Variants in GFRAL observed in about 807,000 individuals in gnomAD.
GFRAL encodes the protein GDNF family receptor alpha like.
GFRAL carries 36 observed loss-of-function variants against 45.4 expected under a neutral mutation model. The ratio of observed to expected loss-of-function variants is 0.79; its 90% confidence interval spans 0.61 to 1.05. GFRAL has a LOEUF of 1.05. Among genes scored for constraint, GFRAL ranks in the 50% least tolerant of loss-of-function variants. The pLI, the probability that GFRAL is intolerant of heterozygous loss-of-function variation, is 0.00. For missense variants in GFRAL, 507 were observed against 467.5 expected, an observed-to-expected ratio of 1.08 and a Z score of -0.78; for synonymous variants, 166 against 154.1, an observed-to-expected ratio of 1.08 and a Z score of -0.57.
intron 6 of GFRAL, among the ~76,000 whole-genome samples, chr6:55,397,363 A>C (rs1015259137): frequency 1.4e-5 from 2 of 147,568 alleles, no homozygotes; most frequent in African/African-American, 5.1e-5. Flanking sequence ...CTAAAAATAC[A>C]AAAAATTAGC....
intron 6 of GFRAL, among the ~76,000 whole-genome samples, chr6:55,396,823 C>G (rs1289803688): frequency 6.7e-6 from 1 of 150,168 alleles, no homozygotes; most frequent in African/African-American, 2.5e-5. Context: ...AGTTCTACCT[C>G]TATTACTTTT....
intron 6 of GFRAL, among the ~76,000 whole-genome samples, chr6:55,360,776 T>C (rs1768264174): frequency 6.6e-6 from 1 of 151,904 alleles, no homozygotes; most frequent in Admixed American, 6.6e-5. Flanking sequence ...AAATACCAAA[T>C]AACCAATTTG....
intron 5 of GFRAL, among the ~76,000 whole-genome samples, chr6:55,354,492 T>A (rs933659494): frequency 3.3e-5 from 5 of 152,074 alleles, no homozygotes; most frequent in African/African-American, 1.2e-4. Flanking sequence ...TTAGTTCAAG[T>A]GTAAGGACTG....
intron 6 of GFRAL, among the ~76,000 whole-genome samples, chr6:55,367,265 C>T (rs1320712967): frequency 7.6e-6 from 1 of 131,946 alleles, no homozygotes. Context: ...GATTGCAACC[C>T]CTGCCTTTTT....
At chr6:55,365,067 A>G (rs1294357612) in intron 6 of GFRAL, among the ~76,000 whole-genome samples, 1 of 151,254 alleles carries the variant, frequency 6.6e-6, no homozygotes, top group Non-Finnish European at 1.5e-5. Context: ...CTTCCTACCC[A>G]TGAGCATGGA....
intron 6 of GFRAL, among the ~76,000 whole-genome samples, chr6:55,398,641 A>G (rs1768857078): frequency 6.6e-6 from 1 of 152,330 alleles, no homozygotes; most frequent in African/African-American, 2.4e-5. Flanking sequence ...ACTGGTGGGA[A>G]TGTATTTCTC....
At chr6:55,388,989 CTCTT>C (rs1215642998) in intron 6 of GFRAL, among the ~76,000 whole-genome samples, 3 of 152,128 alleles carry the variant, frequency 2.0e-5, no homozygotes, top group African/African-American at 7.2e-5. Context: ...GATCTGATTT[CTCTT>C]TCTCTTTTTC....
chr6:55,364,152 T>A (rs1438847606), intron 6 of GFRAL, among the ~76,000 whole-genome samples: 3 of 150,960 alleles, frequency 2.0e-5, no homozygotes, highest in Non-Finnish European at 4.4e-5. Context: ...AGATGGTATC[T>A]CATTGTGGTT....
intron 3 of GFRAL, among the ~76,000 whole-genome samples, chr6:55,342,699 G>A (rs1040988670): frequency 3.9e-5 from 6 of 152,034 alleles, no homozygotes; most frequent in African/African-American, 1.2e-4. Flanking sequence ...ATGTAAATGG[G>A]CTAAATGCTC....
chr6:55,341,342 A>C (rs1446692650), intron 3 of GFRAL, among the ~76,000 whole-genome samples: 1 of 152,188 alleles, frequency 6.6e-6, no homozygotes, highest in Non-Finnish European at 1.5e-5. Flanking sequence ...AGGAACGATC[A>C]GACAACAACA....
intron 6 of GFRAL, among the ~76,000 whole-genome samples, chr6:55,370,034 G>A (rs962900028): frequency 6.6e-6 from 1 of 152,118 alleles, no homozygotes; most frequent in Admixed American, 6.6e-5. Flanking sequence ...GATGTAAAGA[G>A]CAAAGTTTTA....
chr6:55,327,893 C>T lies in GFRAL; in HGVS notation c.22+317C>T, dbSNP rs187041849. ...AATGGAATTCACACATGTGTTAGAA[C>T]CTTTTAGAAATAAAAATAAAACCTT... On this transcript the variant is annotated intron_variant, in intron 1 of 8. Transcript: ENST00000340465. Among the ~76,000 whole-genome samples the T allele has an allele frequency of 3.4e-4, 52 of 151,924 alleles. 1 individual carries two copies. The East Asian group carries it at 8.3e-3, about 24-fold the overall frequency.
chr6:55,333,708 G>A lies in GFRAL; in HGVS notation c.158-78G>A, dbSNP rs149645658. 643 of 880,024 alleles carry A rather than the reference G, an allele frequency of 7.3e-4. 5 individuals carry two copies. The African/African-American group carries it at 9.4e-3, about 13-fold the overall frequency. The allele number at this position is 880,024 out of a possible 1,614,324, so 54.5% of individuals were successfully genotyped here. ...ATTAATTAATTATTCAGGTTAATAT[G>A]TTAAAAGTACTTTGGGGAGGAAGAA... On this transcript the variant is annotated intron_variant, in intron 2 of 8. Coordinates refer to ENST00000340465, the MANE Select transcript of GFRAL (RefSeq NM_207410.2).
At position 55,359,116 on chromosome 6, in the gene GFRAL, G is replaced by A. The variant is rs1188652201; in HGVS notation, c.930G>A (p.Met310Ile). 1.2e-6 allele frequency: 2 copies of A among 1,611,500 alleles called. No homozygotes were observed. The highest frequency in any genetic ancestry group is 1.7e-6 in the Non-Finnish European group (2 of 1,178,486). ...CTTTGTGTAAGATTTTCCAGCACATGCTTCATAGAAAATCATGTTTCAGTA... is the reference window on the plus strand; with the variant it reads ...CTTTGTGTAAGATTTTCCAGCACATACTTCATAGAAAATCATGTTTCAGTA... ...EESLCKIFQH[M>I]LHRKSCFNYP... The change falls in exon 6 of 9, where the codon ATG becomes ATA. Residue 310 changes from methionine (M) to isoleucine (I), a missense_variant. Physicochemically the swap from Met to Ile is conservative, Grantham distance 10. Coordinates refer to ENST00000340465, the MANE Select transcript of GFRAL (RefSeq NM_207410.2).
At chr6:55,334,634 T>G (rs1290961303) in intron 3 of GFRAL, among the ~76,000 whole-genome samples, 1 of 152,170 alleles carries the variant, frequency 6.6e-6, no homozygotes, top group Admixed American at 6.5e-5. Context: ...ACAATCAACC[T>G]TCTCTCACTT....
chr6:55,374,862 T>A (rs115214731), intron 6 of GFRAL, among the ~76,000 whole-genome samples: 4,402 of 152,152 alleles, frequency 0.029, 87 homozygotes, highest in African/African-American at 0.05. Context: ...ACTCCAGGCA[T>A]CATTTATTAA....
chr6:55,342,033 C>A (rs557998613), intron 3 of GFRAL, among the ~76,000 whole-genome samples: 2 of 152,088 alleles, frequency 1.3e-5, no homozygotes, highest in South Asian at 4.2e-4. Context: ...ATGAAAAGAC[C>A]AAATCTACAT....
intron 6 of GFRAL, among the ~76,000 whole-genome samples, chr6:55,378,585 T>G (rs1768565193): frequency 6.6e-6 from 1 of 152,034 alleles, no homozygotes. Context: ...AGATACTCTC[T>G]GCTGGCAAAA....
At chr6:55,363,452 T>C (rs1768305858) in intron 6 of GFRAL, among the ~76,000 whole-genome samples, 1 of 150,858 alleles carries the variant, frequency 6.6e-6, no homozygotes. Flanking sequence ...TTTTTTTAAT[T>C]ATACTTTAAG....
Sources: gnomAD v4.1 joint callset for allele counts (sites outside exome capture counted in the v4.1 genomes callset) on GRCh38, gnomAD v4.1.1 for gene constraint, MANE v1.5 for transcripts, NCBI Gene and HGNC (gene_info 2026-07-23, HGNC 2026-07-21) for gene names.